ABCC4: variants seen among roughly 807,000 people sequenced by gnomAD.
ABCC4 encodes the protein ATP-binding cassette sub-family C member 4.
A neutral mutation model predicts 168.5 loss-of-function variants in ABCC4; 102 were observed. That is an observed-to-expected ratio of 0.61 (90% CI 0.52 to 0.71). ABCC4 has a LOEUF of 0.71. Ranked by LOEUF, ABCC4 falls within the 30% of genes least tolerant of loss-of-function variation. The pLI, the probability that ABCC4 is intolerant of heterozygous loss-of-function variation, is 0.00. For missense variants in ABCC4, 1,402 were observed against 1,605.8 expected (o/e 0.87, Z 2.17); for synonymous variants, 617 against 590.7 (o/e 1.04, Z -0.65).
intron 21 of ABCC4, 66 bp from the exon 22 acceptor site, chr13:95,075,617 G>A: frequency 6.2e-7 from 1 of 1,603,508 alleles, no homozygotes; most frequent in Non-Finnish European, 8.5e-7. Flanking sequence ...GGCCTCCCAA[G>A]CTCCATGGTC....
At chr13:95,096,349 C>G (rs188740211) in intron 20 of ABCC4, among the ~76,000 whole-genome samples, 207 of 152,216 alleles carry the variant, frequency 1.4e-3, no homozygotes, top group Admixed American at 5.2e-3. Context: ...CTACACCAAA[C>G]AGTCTAACAT....
At chr13:95,026,220 T>C (rs7331326) in intron 30 of ABCC4, among the ~76,000 whole-genome samples, 61,356 of 151,772 alleles carry the variant, frequency 0.4, 13,268 homozygotes, top group East Asian at 0.49. Context: ...GTTTGTGGAA[T>C]AGACGGAGAC....
intron 2 of ABCC4, among the ~76,000 whole-genome samples, 176 bp from the exon 3 acceptor site, chr13:95,247,271 T>A (rs1689617313): frequency 6.6e-6 from 1 of 152,208 alleles, no homozygotes; most frequent in East Asian, 1.9e-4. Context: ...ATCTGGAGCA[T>A]CAGAAAAACA....
chr13:95,089,651 AT>A (rs1296697974), intron 20 of ABCC4, among the ~76,000 whole-genome samples: 1 of 152,186 alleles, frequency 6.6e-6, no homozygotes, highest in Non-Finnish European at 1.5e-5. Context: ...AACATAAAAA[AT>A]AATTATACTT....
At chr13:95,037,851 GAAAAAGA>G (rs539273812) in intron 29 of ABCC4, among the ~76,000 whole-genome samples, 15 of 152,104 alleles carry the variant, frequency 9.9e-5, no homozygotes, top group Non-Finnish European at 2.1e-4. Flanking sequence ...TATACTCACA[GAAAAAGA>G]AGACAAATTT....
At chr13:95,107,291 A>T (rs1366728565) in intron 20 of ABCC4, among the ~76,000 whole-genome samples, 1 of 152,184 alleles carries the variant, frequency 6.6e-6, no homozygotes, top group Non-Finnish European at 1.5e-5. Context: ...AGAGTATTCA[A>T]AGTATAAATT....
chr13:95,044,707 G>A (rs1172328936), intron 27 of ABCC4, among the ~76,000 whole-genome samples: 1 of 152,004 alleles, frequency 6.6e-6, no homozygotes, highest in African/African-American at 2.4e-5. Flanking sequence ...GTTCATGCAG[G>A]GTCACGTGTT....
intron 1 of ABCC4, among the ~76,000 whole-genome samples, chr13:95,259,900 G>A (rs2040489051): frequency 6.6e-6 from 1 of 151,468 alleles, no homozygotes; most frequent in Non-Finnish European, 1.5e-5. Flanking sequence ...CACAGGCTAT[G>A]CACAGACTCT....
rs1009466023 is a variant in ABCC4 at position 95,209,726 on chromosome 13, A to G, written c.622-129T>C. 1.4e-5 allele frequency: 13 copies of G among 925,724 alleles called. No homozygotes were observed. In the Admixed American group the frequency reaches 3.5e-4, roughly 25 times the overall value. 57.3% of individuals were successfully genotyped at this position (925,724 alleles called of 1,614,324 possible). On this transcript the variant is annotated intron_variant, in intron 5 of 30. Coordinates refer to ENST00000645237, the MANE Select transcript of ABCC4 (RefSeq NM_005845.5). Reference sequence around the variant, plus strand: ...ACAGAAATGGCCACAGTGGGTTTACACCTGCTAAAGCAGAAAGCCAAGCAC... The same window carrying G: ...ACAGAAATGGCCACAGTGGGTTTACGCCTGCTAAAGCAGAAAGCCAAGCAC...
At chr13:95,180,207 T>C (rs1008100632) in intron 11 of ABCC4, among the ~76,000 whole-genome samples, 1 of 152,230 alleles carries the variant, frequency 6.6e-6, no homozygotes, top group Non-Finnish European at 1.5e-5. Flanking sequence ...TATTTCACGT[T>C]ATCTCTTTGT....
chr13:95,264,706 C>T (rs1167056846), intron 1 of ABCC4, among the ~76,000 whole-genome samples: 1 of 151,970 alleles, frequency 6.6e-6, no homozygotes, highest in Admixed American at 6.6e-5. Context: ...ATTATAGGAT[C>T]CTGGGCCCAA....
At chr13:95,152,835 C>T (rs1339412271) in intron 19 of ABCC4, among the ~76,000 whole-genome samples, 3 of 152,076 alleles carry the variant, frequency 2.0e-5, no homozygotes, top group African/African-American at 7.2e-5. Context: ...ATGGAAAACT[C>T]TCAAATTAAA....
intron 1 of ABCC4, among the ~76,000 whole-genome samples, chr13:95,279,844 C>T (rs1039641207): frequency 2.0e-5 from 3 of 152,148 alleles, no homozygotes; most frequent in African/African-American, 7.2e-5. Context: ...AGCCACAGGG[C>T]CCCCCAGGAA....
In ABCC4 at chr13:95,288,544, G is replaced by A. The variant is rs143180249; in HGVS notation, c.74+12697C>T. 3.3e-4 allele frequency among the ~76,000 whole-genome samples: 51 copies of A among 152,266 alleles called. No individual in the cohort carries two copies. The East Asian group carries it at 6.9e-3, about 21-fold the overall frequency. ...ATTTAGGCTGGACGCAGTGGCTCAT[G>A]CCTGTAATCCCAGCACTTTGGGAGG... is the stretch of plus-strand genomic sequence containing the variant. On this transcript the variant is annotated intron_variant, in intron 1 of 30. Transcript: ENST00000645237.
At chr13:95,130,493 G>T (rs1218860701) in intron 19 of ABCC4, among the ~76,000 whole-genome samples, 2 of 152,118 alleles carry the variant, frequency 1.3e-5, no homozygotes, top group African/African-American at 4.8e-5. Flanking sequence ...ATTTTGAGGG[G>T]AGAAAAAGTC....
chr13:95,147,931 C>T (rs2036552156), intron 19 of ABCC4, among the ~76,000 whole-genome samples: 1 of 152,050 alleles, frequency 6.6e-6, no homozygotes, highest in Admixed American at 6.6e-5. Context: ...TGAAGCTAAG[C>T]CCCATTGAAA....
At chr13:95,175,344 C>G (rs954262060) in intron 13 of ABCC4, among the ~76,000 whole-genome samples, 29 of 152,008 alleles carry the variant, frequency 1.9e-4, no homozygotes, top group African/African-American at 6.3e-4. Context: ...GACAGAATCT[C>G]ACTCGTCATC....
chr13:95,157,559 AAGAG>A (rs1202408587), intron 19 of ABCC4, among the ~76,000 whole-genome samples: 2 of 151,902 alleles, frequency 1.3e-5, no homozygotes, highest in Non-Finnish European at 2.9e-5. Context: ...AGAAAAGAGA[AAGAG>A]AGAGAGAACT....
At chr13:95,026,468 T>C (rs1566353072) in intron 30 of ABCC4, among the ~76,000 whole-genome samples, 1 of 151,688 alleles carries the variant, frequency 6.6e-6, no homozygotes, top group Admixed American at 6.6e-5. Flanking sequence ...GAAGAGAATA[T>C]AATCAAATAA....
Sources: allele counts gnomAD v4.1 joint callset (sites outside exome capture counted in the v4.1 genomes callset), GRCh38; gene constraint gnomAD v4.1.1; transcripts MANE v1.5; gene names NCBI Gene and HGNC (gene_info 2026-07-23, HGNC 2026-07-21).